The following FRAS1 variants were observed in gnomAD, a reference collection of about 807,000 sequenced individuals.
The protein encoded by FRAS1 is Fraser extracellular matrix complex subunit 1.
Under a neutral mutation model 435.2 loss-of-function variants are expected in FRAS1, and 290 were observed. The observed-to-expected ratio is 0.67, with a 90% CI of 0.61 to 0.73. FRAS1 has a LOEUF of 0.73. FRAS1 is among the 30% of genes least tolerant of loss of function. FRAS1 has a pLI of 0.00. For missense variants in FRAS1, 4,860 were observed against 5,001.5 expected (o/e 0.97, Z 0.85); for synonymous variants, 1,800 against 1,851.0 (o/e 0.97, Z 0.71).
At position 78,441,053 on chromosome 4, in the gene FRAS1, G is replaced by A. The variant is rs1326014598; in HGVS notation, c.5530-109G>A. The A allele has an allele frequency of 4.8e-6, 5 of 1,033,436 alleles. No individual in the cohort carries two copies. In the Admixed American group the frequency reaches 8.7e-5, roughly 18 times the overall value. The allele number at this position is 1,033,436 out of a possible 1,614,324, so 64.0% of individuals were successfully genotyped here. A position where few individuals can be genotyped will look rare whatever the true frequency, so the allele number is the denominator to read the frequency against. The stretch of plus-strand genomic sequence containing the variant: ...GTAGATGGTCTGCCTCCTCAAAGAA[G>A]CAGAATTGGTGCTAGAAGGTCACCC... On this transcript the variant is annotated intron_variant, in intron 40 of 73. Coordinates refer to ENST00000512123, the MANE Select transcript of FRAS1 (RefSeq NM_025074.7).
chr4:78,162,752 G>A (rs868328141), intron 2 of FRAS1, among the ~76,000 whole-genome samples: 2 of 152,318 alleles, frequency 1.3e-5, no homozygotes, highest in Middle Eastern at 3.4e-3. Context: ...CTGTAAGGCA[G>A]GAGTGTCTTT....
intron 6 of FRAS1, among the ~76,000 whole-genome samples, chr4:78,264,040 A>C (rs1451586526): frequency 1.3e-5 from 2 of 152,204 alleles, no homozygotes; most frequent in African/African-American, 4.8e-5. Flanking sequence ...TCCTCATAAG[A>C]GAAAGTGAAG....
chr4:78,089,729 T>G (rs1353562779), intron 2 of FRAS1, among the ~76,000 whole-genome samples: 1 of 152,160 alleles, frequency 6.6e-6, no homozygotes, highest in Non-Finnish European at 1.5e-5. Context: ...TGGATACAGC[T>G]CTTCAAACTT....
At chr4:78,516,458 A>G (rs905448147) in intron 66 of FRAS1, among the ~76,000 whole-genome samples, 1 of 152,234 alleles carries the variant, frequency 6.6e-6, no homozygotes, top group Non-Finnish European at 1.5e-5. Flanking sequence ...TTGTGGAAAG[A>G]TAATTGCTTA....
At chr4:78,422,651 A>G (rs1000262855) in intron 34 of FRAS1, among the ~76,000 whole-genome samples, 3 of 152,200 alleles carry the variant, frequency 2.0e-5, no homozygotes, top group African/African-American at 7.2e-5. Context: ...GGAGAGACAG[A>G]GGCCATACCT....
intron 58 of FRAS1, among the ~76,000 whole-genome samples, chr4:78,484,445 C>T (rs1321038893): frequency 1.3e-5 from 2 of 152,122 alleles, no homozygotes. Context: ...AACAAACATC[C>T]TAAGAGTAAT....
At chr4:78,311,847 T>G (rs1194169745) in intron 15 of FRAS1, among the ~76,000 whole-genome samples, 4 of 152,228 alleles carry the variant, frequency 2.6e-5, no homozygotes, top group Non-Finnish European at 4.4e-5. Context: ...TCTTGAAGTT[T>G]CCTATTCTAT....
intron 7 of FRAS1, among the ~76,000 whole-genome samples, chr4:78,266,198 G>A (rs926659540): frequency 3.3e-5 from 5 of 151,626 alleles, no homozygotes; most frequent in Non-Finnish European, 5.9e-5. Flanking sequence ...AAGGATCTAA[G>A]CTCTTTTGAT....
At chr4:78,306,799 G>A (rs531837371) in intron 14 of FRAS1, among the ~76,000 whole-genome samples, 7 of 152,048 alleles carry the variant, frequency 4.6e-5, no homozygotes, top group South Asian at 4.2e-4. Context: ...ACTTCTTTGC[G>A]TTTGGTTTGA....
chr4:78,469,040 C>T (rs1305670952), intron 50 of FRAS1, among the ~76,000 whole-genome samples: 1 of 152,170 alleles, frequency 6.6e-6, no homozygotes, highest in African/African-American at 2.4e-5. Flanking sequence ...GCATCACCAC[C>T]TGGCAAGTCA....
chr4:78,134,843 T>C (rs1350639668), intron 2 of FRAS1, among the ~76,000 whole-genome samples: 1 of 152,210 alleles, frequency 6.6e-6, no homozygotes, highest in Non-Finnish European at 1.5e-5. Context: ...AAGTCTGAGG[T>C]TTGAAAGTTA....
At chr4:78,120,662 G>T (rs975685843) in intron 2 of FRAS1, among the ~76,000 whole-genome samples, 1 of 152,146 alleles carries the variant, frequency 6.6e-6, no homozygotes, top group Non-Finnish European at 1.5e-5. Flanking sequence ...CCACAGTAAG[G>T]TCAGGATTAT....
chr4:78,415,393 T>A (rs1733514475), intron 32 of FRAS1, among the ~76,000 whole-genome samples: 1 of 152,074 alleles, frequency 6.6e-6, no homozygotes, highest in Non-Finnish European at 1.5e-5. Context: ...AATTAAAAAT[T>A]AAAAAAATAA....
At chr4:78,368,033 T>C (rs2110302006) in intron 22 of FRAS1, among the ~76,000 whole-genome samples, 1 of 152,222 alleles carries the variant, frequency 6.6e-6, no homozygotes, top group East Asian at 1.9e-4. Flanking sequence ...CACCTTCAAA[T>C]CCACTTACAA....
chr4:78,343,099 C>T (rs780650826), intron 20 of FRAS1, among the ~76,000 whole-genome samples: 5 of 152,092 alleles, frequency 3.3e-5, no homozygotes, highest in Non-Finnish European at 5.9e-5. Context: ...AACCTCCTGG[C>T]CAGATAAATT....
At chr4:78,339,595 T>C (rs1730322557) in intron 20 of FRAS1, among the ~76,000 whole-genome samples, 1 of 152,146 alleles carries the variant, frequency 6.6e-6, no homozygotes, top group Non-Finnish European at 1.5e-5. Flanking sequence ...CTGGTGGGCT[T>C]TCTGAGCATG....
chr4:78,134,390 C>T (rs143460314), intron 2 of FRAS1, among the ~76,000 whole-genome samples: 286 of 152,258 alleles, frequency 1.9e-3, no homozygotes, highest in African/African-American at 6.6e-3. Context: ...CTTGTCTCTT[C>T]CTCTCATGTC....
intron 13 of FRAS1, among the ~76,000 whole-genome samples, 200 bp downstream of exon 13, chr4:78,284,748 C>A (rs1357756507): frequency 1.3e-5 from 2 of 152,038 alleles, no homozygotes; most frequent in Non-Finnish European, 2.9e-5. Flanking sequence ...ACCTGCAGGT[C>A]TTTTTTTCTG....
chr4:78,461,212 A>G (rs1719360074), intron 47 of FRAS1, among the ~76,000 whole-genome samples: 1 of 152,162 alleles, frequency 6.6e-6, no homozygotes, highest in African/African-American at 2.4e-5. Flanking sequence ...TCTATGAATG[A>G]TTTTTCTTTC....
Sources: gnomAD v4.1 joint callset for allele counts (sites outside exome capture counted in the v4.1 genomes callset) on GRCh38, gnomAD v4.1.1 for gene constraint, MANE v1.5 for transcripts, NCBI Gene and HGNC (gene_info 2026-07-23, HGNC 2026-07-21) for gene names.